The following LAMC3 variants were observed in gnomAD, a reference collection of about 807,000 sequenced individuals.
The protein encoded by LAMC3 is laminin subunit gamma 3.
In LAMC3, 128 loss-of-function variants were observed where a neutral mutation model predicts 173.8. The observed-to-expected ratio is 0.74, with a 90% confidence interval of 0.64 to 0.85. The LOEUF is 0.85. Ranked by LOEUF, LAMC3 falls within the 40% of genes least tolerant of loss-of-function variation. The pLI is 0.00. For missense variants in LAMC3, 2,022 were observed against 2,156.0 expected (o/e 0.94, Z 1.23); for synonymous variants, 897 against 909.1 (o/e 0.99, Z 0.24).
At position 131,013,848 on chromosome 9, in the gene LAMC3, C is replaced by T. The variant is rs1351428859; in HGVS notation, c.373+4261C>T. On this transcript the variant is annotated intron_variant, in intron 1 of 27. Coordinates refer to ENST00000361069, the MANE Select transcript of LAMC3 (RefSeq NM_006059.4). ...CTGGACATTAGGGGGACCCTGTGGC[C>T]CCTGAGGGGTCCTGGAGCCAGCTGG... is the stretch of plus-strand genomic sequence containing the variant. 4.6e-5 allele frequency among the ~76,000 whole-genome samples: 7 copies of T among 152,182 alleles called. 1 individual carries two copies. The highest frequency in any genetic ancestry group is 3.9e-4 in the Admixed American group (6 of 15,286).
intron 24 of LAMC3, 31 bp from the exon 25 acceptor site, chr9:131,085,493 T>C: frequency 6.2e-7 from 1 of 1,612,606 alleles, no homozygotes; most frequent in Non-Finnish European, 8.5e-7. Context: ...TGAGCCCAGT[T>C]CCCCTGACCC....
In LAMC3 at chr9:131,066,422, C is replaced by A. The variant is rs552777849; in HGVS notation, c.2348-538C>A. On this transcript the variant is annotated intron_variant, in intron 13 of 27. Transcript: ENST00000361069. ...AGGAGAATTGCTTGAACCCAGGAGG[C>A]AGAGGTTGCAGTGAGCCGAGATCGT... Among the ~76,000 whole-genome samples, 45 of 151,822 alleles carry A rather than the reference C, an allele frequency of 3.0e-4. 1 individual carries two copies. In the South Asian group the frequency reaches 8.2e-3, roughly 28 times the overall value.
At chr9:131,073,689 C>G (rs976014268) in intron 20 of LAMC3, among the ~76,000 whole-genome samples, 6 of 152,036 alleles carry the variant, frequency 3.9e-5, no homozygotes, top group African/African-American at 1.4e-4. Context: ...TCAGTGGTTT[C>G]CCTATATTCT....
At chr9:131,061,569 A>C (rs1829825724) in intron 13 of LAMC3, among the ~76,000 whole-genome samples, 1 of 152,174 alleles carries the variant, frequency 6.6e-6, no homozygotes, top group South Asian at 2.1e-4. Context: ...ACCTCGATTA[A>C]ACTTCTAGCC....
At chr9:131,050,734 C>G (rs1332692992) in intron 9 of LAMC3, among the ~76,000 whole-genome samples, 1 of 151,264 alleles carries the variant, frequency 6.6e-6, no homozygotes, top group Admixed American at 6.6e-5. Flanking sequence ...CACCACTACA[C>G]TCCAGCCTGG....
At position 131,074,863 on chromosome 9, in the gene LAMC3, A is replaced by T. The variant is rs1030771229; in HGVS notation, c.3495-968A>T. ...AAGGACACACAGCTTGGAAGCAATA[A>T]AGCCAGGATTCAAACCCAGGCTGTC... On this transcript the variant is annotated intron_variant, in intron 20 of 27. Coordinates refer to ENST00000361069, the MANE Select transcript of LAMC3 (RefSeq NM_006059.4). Among the ~76,000 whole-genome samples, 6 of 152,294 alleles carry T rather than the reference A, an allele frequency of 3.9e-5. No homozygotes were observed. The East Asian group carries it at 1.2e-3, about 29-fold the overall frequency.
At chr9:131,080,633 T>C (rs1830220996) in intron 23 of LAMC3, among the ~76,000 whole-genome samples, 1 of 152,132 alleles carries the variant, frequency 6.6e-6, no homozygotes, top group African/African-American at 2.4e-5. Context: ...GGCATGAGAA[T>C]GTATCTGAAG....
chr9:131,091,452 C>T (rs1830423083), intron 27 of LAMC3, 85 bp from the exon 28 acceptor site: 1 of 1,524,694 alleles, frequency 6.6e-7, no homozygotes, highest in Admixed American at 2.0e-5. Context: ...GAGGCCTGAG[C>T]TGGGGAGAGG....
At chr9:131,015,326 C>T (rs1588135515) in intron 1 of LAMC3, among the ~76,000 whole-genome samples, 1 of 152,138 alleles carries the variant, frequency 6.6e-6, no homozygotes, top group Non-Finnish European at 1.5e-5. Context: ...GCAGTGCCGC[C>T]GTCCTCCCAG....
chr9:131,038,794 G>A, intron 4 of LAMC3, 70 bp from the exon 5 acceptor site: 1 of 1,507,330 alleles, frequency 6.6e-7, no homozygotes, highest in Non-Finnish European at 9.2e-7. Flanking sequence ...CAGGGAGGCT[G>A]ACTGACACAG....
chr9:131,018,480 A>G (rs1276196810), intron 1 of LAMC3, among the ~76,000 whole-genome samples: 2 of 152,006 alleles, frequency 1.3e-5, no homozygotes, highest in African/African-American at 4.8e-5. Context: ...CTGCAGCCCT[A>G]GCCCAGACCC....
chr9:131,069,981 C>T, intron 17 of LAMC3, 131 bp downstream of exon 17: 1 of 935,578 alleles, frequency 1.1e-6, no homozygotes, highest in South Asian at 1.4e-5. Context: ...CACCTACCTT[C>T]TCCCTGTGCC....
rs765009566 is a variant in LAMC3 at position 131,091,819 on chromosome 9, C to T, written c.*32C>T. 6.2e-7 allele frequency: 1 copy of T among 1,608,900 alleles called. No individual in the cohort carries two copies. The highest frequency in any genetic ancestry group is 8.5e-7 in the Non-Finnish European group (1 of 1,179,722). ...CCCAGATCCCCGGCACACACTCCCC[C>T]ACCTGCTGTTTACATGACCCAGGGG... On this transcript the variant is annotated 3_prime_UTR_variant, in exon 28 of 28. Transcript: ENST00000361069.
At chr9:131,071,745 T>C in intron 18 of LAMC3, 120 bp downstream of exon 18, 1 of 1,007,888 alleles carries the variant, frequency 9.9e-7, no homozygotes, top group Non-Finnish European at 1.4e-6. Flanking sequence ...CATGGGCCTT[T>C]ACTTCCCTAG....
At chr9:131,048,494 G>A (rs912167537) in intron 8 of LAMC3, among the ~76,000 whole-genome samples, 1 of 151,974 alleles carries the variant, frequency 6.6e-6, no homozygotes, top group African/African-American at 2.4e-5. Flanking sequence ...CTCATTGCCC[G>A]CTACCCCCTG....
At chr9:131,019,726 C>A (rs892917469) in intron 1 of LAMC3, among the ~76,000 whole-genome samples, 1 of 152,120 alleles carries the variant, frequency 6.6e-6, no homozygotes. Context: ...ACCTGGGTGC[C>A]CTCCTACTCA....
chr9:131,063,455 G>T (rs535278403), intron 13 of LAMC3, among the ~76,000 whole-genome samples: 1 of 152,316 alleles, frequency 6.6e-6, no homozygotes, highest in East Asian at 1.9e-4. Context: ...ACCACCCTTG[G>T]GAGGGAGGGA....
intron 7 of LAMC3, among the ~76,000 whole-genome samples, chr9:131,044,941 C>T (rs1417397659): frequency 6.6e-6 from 1 of 151,924 alleles, no homozygotes; most frequent in Non-Finnish European, 1.5e-5. Flanking sequence ...CTATTAAAGT[C>T]GCTGGGCGCG....
chr9:131,026,728 G>GCGACAGAGCA lies in LAMC3; in HGVS notation c.678+139_678+140insCGACAGAGCA. Reference sequence around the variant, plus strand: ...TTTTCTTTTTCTTCTTTTATTTTTGGAGACTGAGTCTTGCTCTGTCGCCCA... The same window carrying GCGACAGAGCA: ...TTTTCTTTTTCTTCTTTTATTTTTGGCGACAGAGCAAGACTGAGTCTTGCTCTGTCGCCCA... On this transcript the variant is annotated intron_variant, in intron 2 of 27. Transcript: ENST00000361069. This position sits in a 1 kb window ranked among gnomAD's most constrained non-coding sequence, Gnocchi z 4.8. The GCGACAGAGCA allele has an allele frequency of 7.2e-7, 1 of 1,387,570 alleles. No individual in the cohort carries two copies. Among genetic ancestry groups the GCGACAGAGCA allele is most frequent in the African/African-American group, 1.5e-5 (1 of 68,840 alleles). 86.0% of individuals were successfully genotyped at this position (1,387,570 alleles called of 1,614,324 possible).
Sources: allele counts gnomAD v4.1 joint callset (sites outside exome capture counted in the v4.1 genomes callset), GRCh38; gene constraint gnomAD v4.1.1; non-coding constraint Gnocchi (gnomAD v3.1); transcripts MANE v1.5; gene names NCBI Gene and HGNC (gene_info 2026-07-23, HGNC 2026-07-21).